DOCK4: variants seen among roughly 807,000 people sequenced by gnomAD.
DOCK4 encodes the protein dedicator of cytokinesis protein 4.
DOCK4 carries 97 observed loss-of-function variants against 268.1 expected under a neutral mutation model. The ratio of observed to expected loss-of-function variants is 0.36; its 90% CI spans 0.31 to 0.43. The LOEUF is 0.43. DOCK4 is among the 20% of genes least tolerant of loss of function. DOCK4 has a pLI of 1.00. For synonymous variants in DOCK4, 954 were observed against 887.2 expected, an observed-to-expected ratio of 1.08 and a Z score of -1.34; for missense variants, 2,145 against 2,455.7, an observed-to-expected ratio of 0.87 and a Z score of 2.67.
At chr7:112,094,271 T>G (rs6944979) in intron 1 of DOCK4, among the ~76,000 whole-genome samples, 15,171 of 151,808 alleles carry the variant, frequency 0.1, 1,242 homozygotes, top group East Asian at 0.4. Context: ...TGAGCAACAG[T>G]GAATTTTCTT....
chr7:111,762,241 C>T (rs1024065294), intron 39 of DOCK4, among the ~76,000 whole-genome samples: 2 of 151,842 alleles, frequency 1.3e-5, no homozygotes, highest in Non-Finnish European at 2.9e-5. Context: ...ACAATAAAAT[C>T]CACCTTTTAA....
chr7:111,747,470 T>TTGA (rs1271529326), intron 42 of DOCK4, 27 bp from the exon 43 acceptor site: 1 of 1,546,462 alleles, frequency 6.5e-7, no homozygotes, highest in African/African-American at 1.4e-5. Context: ...CATAAATATA[T>TTGA]ATTGAATTTG....
chr7:112,155,104 CT>C (rs1307144088), intron 1 of DOCK4, among the ~76,000 whole-genome samples: 1 of 152,182 alleles, frequency 6.6e-6, no homozygotes, highest in Non-Finnish European at 1.5e-5. Flanking sequence ...ATTGATAAAA[CT>C]CAGAGAGGTT....
chr7:111,751,795 G>A (rs980130066), intron 42 of DOCK4, among the ~76,000 whole-genome samples: 3 of 151,774 alleles, frequency 2.0e-5, no homozygotes, highest in East Asian at 1.9e-4. Context: ...GACTGTCACC[G>A]AGGCTAGAGT....
At chr7:112,079,404 G>A (rs12668460) in intron 1 of DOCK4, among the ~76,000 whole-genome samples, 11,688 of 152,162 alleles carry the variant, frequency 0.077, 843 homozygotes, top group East Asian at 0.39. Context: ...ACAAAACTCA[G>A]CTAATCCATG....
Position 111,755,542 on chromosome 7 carries a change from G to C in DOCK4, c.4389C>G (p.Arg1463=), listed in dbSNP as rs751662446. ...YLVQSLPGIS[R]WFEVEKREVV... Reference sequence around the variant, plus strand: ...CTTCACGCTTTTCCACTTCAAACCAGCGAGAGATGCCAGGCAAACTCTGCA... The same window carrying C: ...CTTCACGCTTTTCCACTTCAAACCACCGAGAGATGCCAGGCAAACTCTGCA... The change falls in exon 42 of 53, where the codon CGC becomes CGG. Residue 1463 remains arginine (R), a synonymous_variant. Coordinates refer to ENST00000428084, the MANE Select transcript of DOCK4 (RefSeq NM_001363540.2). The C allele has an allele frequency of 1.2e-6, 2 of 1,613,776 alleles. No homozygotes were observed. The highest frequency in any genetic ancestry group is 2.7e-5 in the African/African-American group (2 of 74,886).
chr7:111,906,522 A>G (rs562315052), intron 13 of DOCK4, among the ~76,000 whole-genome samples: 1 of 152,280 alleles, frequency 6.6e-6, no homozygotes, highest in South Asian at 2.1e-4. Context: ...TGCACTAGAC[A>G]CATGGGTGGG....
intron 1 of DOCK4, among the ~76,000 whole-genome samples, chr7:112,045,819 C>A (rs1804776831): frequency 6.6e-6 from 1 of 152,262 alleles, no homozygotes; most frequent in South Asian, 2.1e-4. Flanking sequence ...TCATCAAAAG[C>A]AAAGCCATAG....
intron 27 of DOCK4, among the ~76,000 whole-genome samples, chr7:111,815,651 C>T (rs1001130244): frequency 6.7e-6 from 1 of 148,216 alleles, no homozygotes; most frequent in East Asian, 2.0e-4. Context: ...CTCCCCTCCC[C>T]TCCCCTCCTT....
In DOCK4 at chr7:112,004,372, T is replaced by C. The variant is rs1285102517; in HGVS notation, c.38-241A>G. Reference sequence around the variant, plus strand: ...TGAAATTTATTAAAATAATACACAATATATCAATGCTATCACTCAATAATA... The same window carrying C: ...TGAAATTTATTAAAATAATACACAACATATCAATGCTATCACTCAATAATA... On this transcript the variant is annotated intron_variant, in intron 1 of 52. Coordinates refer to ENST00000428084, the MANE Select transcript of DOCK4 (RefSeq NM_001363540.2). Among the ~76,000 whole-genome samples the C allele has an allele frequency of 2.0e-5, 3 of 152,194 alleles. No homozygotes were observed. In the East Asian group the frequency reaches 5.8e-4, roughly 29 times the overall value.
At chr7:111,833,830 A>T (rs1312973204) in intron 26 of DOCK4, among the ~76,000 whole-genome samples, 2 of 152,254 alleles carry the variant, frequency 1.3e-5, no homozygotes, top group African/African-American at 4.8e-5. Context: ...TCATAGCAGA[A>T]CTGTACTTTT....
chr7:111,809,487 A>G, intron 28 of DOCK4, 86 bp from the exon 29 acceptor site: 5 of 1,210,390 alleles, frequency 4.1e-6, no homozygotes, highest in Middle Eastern at 2.2e-4. Flanking sequence ...ATTTGCTTCA[A>G]AAGTGGTTGA....
chr7:112,069,482 GAAAACTGGCT>G (rs1186977862), intron 1 of DOCK4, among the ~76,000 whole-genome samples: 1 of 152,142 alleles, frequency 6.6e-6, no homozygotes, highest in Non-Finnish European at 1.5e-5. Flanking sequence ...AAGACTTAGA[GAAAACTGGCT>G]AAAACTGTCG....
intron 1 of DOCK4, among the ~76,000 whole-genome samples, chr7:112,135,811 G>A (rs1814287671): frequency 6.6e-6 from 1 of 151,180 alleles, no homozygotes; most frequent in African/African-American, 2.4e-5. Context: ...TTACCCCGAA[G>A]TTTAATGATA....
At chr7:111,740,729 TAAAAAAAA>T (rs59019816) in intron 47 of DOCK4, among the ~76,000 whole-genome samples, 6 of 16,472 alleles carry the variant, frequency 3.6e-4, no homozygotes, top group South Asian at 5.7e-3. Flanking sequence ...TGAGACTCGC[TAAAAAAAA>T]AAAAAAAAAA....
At chr7:111,783,757 G>A in intron 34 of DOCK4, 100 bp downstream of exon 34, 1 of 1,044,180 alleles carries the variant, frequency 9.6e-7, no homozygotes. Context: ...ATAATCAATT[G>A]AGTGATTCAC....
chr7:111,884,990 T>G (rs2134312578), intron 16 of DOCK4, among the ~76,000 whole-genome samples: 1 of 152,112 alleles, frequency 6.6e-6, no homozygotes. Flanking sequence ...GGGAAAAGGG[T>G]CTACTGTGAG....
intron 13 of DOCK4, among the ~76,000 whole-genome samples, chr7:111,912,568 C>A (rs527438957): frequency 6.6e-6 from 1 of 151,588 alleles, no homozygotes; most frequent in Non-Finnish European, 1.5e-5. Context: ...TAGCTTAGTC[C>A]TATTCTGAGG....
At chr7:111,824,751 T>C (rs575191478) in intron 26 of DOCK4, among the ~76,000 whole-genome samples, 1 of 152,354 alleles carries the variant, frequency 6.6e-6, no homozygotes, top group Non-Finnish European at 1.5e-5. Context: ...GAGTTGGGGA[T>C]AGATGACCTG....
Sources: allele counts gnomAD v4.1 joint callset (sites outside exome capture counted in the v4.1 genomes callset), GRCh38; gene constraint gnomAD v4.1.1; transcripts MANE v1.5; gene names NCBI Gene and HGNC (gene_info 2026-07-23, HGNC 2026-07-21).